Variants in EBF1 observed in about 807,000 individuals in gnomAD.
EBF1 encodes transcription factor COE1.
EBF1 carries 10 observed loss-of-function variants against 68.4 expected under a neutral mutation model. The ratio of observed to expected loss-of-function variants is 0.15; its 90% confidence interval spans 0.09 to 0.25. The LOEUF is 0.25. Ranked by LOEUF, EBF1 falls within the 10% of genes least tolerant of loss-of-function variation. The pLI is 1.00. For missense variants in EBF1, 509 were observed against 794.4 expected (o/e 0.64, Z 4.32); for synonymous variants, 298 against 299.8 (o/e 0.99, Z 0.06).
chr5:159,047,625 T>G (rs1772685611), intron 6 of EBF1, among the ~76,000 whole-genome samples: 1 of 152,154 alleles, frequency 6.6e-6, no homozygotes, highest in Non-Finnish European at 1.5e-5. Flanking sequence ...GTTTTGACAT[T>G]GAGTTTTCAT....
rs376076879 is a variant in EBF1 at position 158,895,266 on chromosome 5, T to TA, written c.555-55157dup. On this transcript the variant is annotated intron_variant, in intron 6 of 15. Coordinates refer to ENST00000313708, the MANE Select transcript of EBF1 (RefSeq NM_024007.5). ...ACTTTGAAAAAGAATAAAAACGCAGTAAAAAAATAACATTTAGCCAGGTTC... is the reference window on the plus strand; with the variant it reads ...ACTTTGAAAAAGAATAAAAACGCAGTAAAAAAAATAACATTTAGCCAGGTTC... Among the ~76,000 whole-genome samples the TA allele has an allele frequency of 2.3e-3, 351 of 152,120 alleles. 4 individuals carry two copies. Among genetic ancestry groups the TA allele is most frequent in the African/African-American group, 7.3e-3 (305 of 41,500 alleles).
chr5:158,902,389 A>G (rs773660409), intron 6 of EBF1, among the ~76,000 whole-genome samples: 12 of 150,024 alleles, frequency 8.0e-5, no homozygotes, highest in Non-Finnish European at 1.8e-4. Flanking sequence ...TGATCAAAGT[A>G]CGATTAGGCC....
chr5:158,978,472 G>A (rs1392259779), intron 6 of EBF1, among the ~76,000 whole-genome samples: 2 of 152,050 alleles, frequency 1.3e-5, no homozygotes, highest in African/African-American at 4.8e-5. Context: ...GTTGGAAGGG[G>A]CAGAAGCCTT....
intron 10 of EBF1, among the ~76,000 whole-genome samples, chr5:158,771,309 G>A (rs1013169925): frequency 2.0e-5 from 3 of 151,996 alleles, no homozygotes; most frequent in Non-Finnish European, 4.4e-5. Flanking sequence ...TTAGATGAAG[G>A]TACTATTAAA....
At chr5:158,809,309 A>G (rs1030282600) in intron 8 of EBF1, among the ~76,000 whole-genome samples, 10 of 152,172 alleles carry the variant, frequency 6.6e-5, no homozygotes, top group African/African-American at 2.4e-4. Context: ...CAGGGATTCA[A>G]CTGGACTTGA....
chr5:158,733,684 G>T (rs1249374399), intron 10 of EBF1, among the ~76,000 whole-genome samples: 1 of 152,104 alleles, frequency 6.6e-6, no homozygotes, highest in Admixed American at 6.5e-5. Context: ...GTAAGGCAAG[G>T]GCTTTTAACT....
intron 6 of EBF1, among the ~76,000 whole-genome samples, chr5:158,879,344 C>T (rs535907756): frequency 6.6e-6 from 1 of 152,086 alleles, no homozygotes; most frequent in South Asian, 2.1e-4. Context: ...AGAGTACATG[C>T]GTCAAGATGG....
At chr5:158,930,576 A>G (rs1810661439) in intron 6 of EBF1, among the ~76,000 whole-genome samples, 1 of 152,208 alleles carries the variant, frequency 6.6e-6, no homozygotes, top group African/African-American at 2.4e-5. Flanking sequence ...TACTTTGGAT[A>G]CTTTTTTCTT....
intron 11 of EBF1, among the ~76,000 whole-genome samples, chr5:158,719,673 A>G (rs1270905375): frequency 1.3e-5 from 2 of 152,174 alleles, no homozygotes; most frequent in Non-Finnish European, 1.5e-5. Flanking sequence ...ACCCCAGATG[A>G]GCAGGGAAGA....
intron 9 of EBF1, 21 bp from the exon 10 acceptor site, chr5:158,777,560 G>GA (rs760361960): frequency 4.4e-6 from 7 of 1,575,386 alleles, no homozygotes; most frequent in Non-Finnish European, 4.3e-6. Flanking sequence ...CATTTGGGGG[G>GA]AAAAATTGTC....
chr5:159,039,637 T>C (rs1770784614), intron 6 of EBF1, among the ~76,000 whole-genome samples: 1 of 152,194 alleles, frequency 6.6e-6, no homozygotes. Context: ...TATTTGGAGT[T>C]CCCCATTTCA....
chr5:158,908,050 T>TG (rs1805045037), intron 6 of EBF1, among the ~76,000 whole-genome samples: 1 of 152,172 alleles, frequency 6.6e-6, no homozygotes, highest in Admixed American at 6.5e-5. Context: ...CACCGAGTTT[T>TG]GGCAGACAAA....
chr5:158,727,734 T>C (rs1289565885), intron 11 of EBF1, among the ~76,000 whole-genome samples: 1 of 152,232 alleles, frequency 6.6e-6, no homozygotes, highest in Non-Finnish European at 1.5e-5. Flanking sequence ...AGGATTCCGC[T>C]TGCTCCCGTT....
intron 6 of EBF1, among the ~76,000 whole-genome samples, chr5:158,914,138 C>T (rs1361094880): frequency 6.6e-6 from 1 of 152,150 alleles, no homozygotes; most frequent in Non-Finnish European, 1.5e-5. Flanking sequence ...TGGCTCCTAC[C>T]ACACCAGCTT....
At chr5:159,087,287 T>C (rs1398905995) in intron 4 of EBF1, among the ~76,000 whole-genome samples, 7 of 143,970 alleles carry the variant, frequency 4.9e-5, no homozygotes, top group South Asian at 2.2e-4. Flanking sequence ...CATATATATA[T>C]ATACACATAT....
At chr5:158,866,827 GTATATGTATATATATATA>G (rs1470299928) in intron 6 of EBF1, among the ~76,000 whole-genome samples, 32 of 58,364 alleles carry the variant, frequency 5.5e-4, no homozygotes, top group African/African-American at 2.1e-3. Context: ...GTATATATAT[GTATATGTATATATATATA>G]TATATATATA....
At chr5:158,962,046 C>T (rs565969926) in intron 6 of EBF1, among the ~76,000 whole-genome samples, 55 of 152,298 alleles carry the variant, frequency 3.6e-4, no homozygotes, top group South Asian at 8.3e-4. Flanking sequence ...TCCATACAAA[C>T]GCTGAAGGTT....
At chr5:158,940,723 C>T (rs1813063389) in intron 6 of EBF1, among the ~76,000 whole-genome samples, 1 of 139,620 alleles carries the variant, frequency 7.2e-6, no homozygotes, top group Non-Finnish European at 1.5e-5. Flanking sequence ...AGGCTCTTTC[C>T]ACACAATTAG....
rs184506737 is a variant in EBF1, at chr5:159,030,165, T to C, written c.554+43231A>G. 1.5e-3 allele frequency among the ~76,000 whole-genome samples: 223 copies of C among 152,148 alleles called. 1 individual carries two copies. Among genetic ancestry groups the C allele is most frequent in the African/African-American group, 4.9e-3 (202 of 41,532 alleles). ...TAAAACAAAGAACACAAAATTGTAG[T>C]TGCAATATCATAATTTTTTTAAAAT... On this transcript the variant is annotated intron_variant, in intron 6 of 15. Coordinates refer to ENST00000313708, the MANE Select transcript of EBF1 (RefSeq NM_024007.5).
Sources: gnomAD v4.1 joint callset for allele counts (sites outside exome capture counted in the v4.1 genomes callset) on GRCh38, gnomAD v4.1.1 for gene constraint, MANE v1.5 for transcripts, NCBI Gene and HGNC (gene_info 2026-07-23, HGNC 2026-07-21) for gene names.